The following IQGAP2 variants were observed in gnomAD, a reference collection of about 807,000 sequenced individuals.
IQGAP2 encodes IQ motif containing GTPase activating protein 2, also known as ras GTPase-activating-like protein IQGAP2.
A neutral mutation model predicts 201.3 loss-of-function variants in IQGAP2; 173 were observed. The ratio of observed to expected loss-of-function variants is 0.86; its 90% CI spans 0.76 to 0.98. IQGAP2 has a LOEUF of 0.98. Among genes scored for constraint, IQGAP2 ranks in the 50% least tolerant of loss-of-function variants. IQGAP2 has a pLI of 0.00. For synonymous variants in IQGAP2, 675 were observed against 673.9 expected (o/e 1.00, Z -0.03); for missense variants, 1,687 against 1,864.8 (o/e 0.90, Z 1.76).
Position 76,538,920 on chromosome 5 carries a change from G to A in IQGAP2, c.147-23476G>A, listed in dbSNP as rs541200441. Among the ~76,000 whole-genome samples, 38 of 152,282 alleles carry A rather than the reference G, an allele frequency of 2.5e-4. No homozygotes were observed. In the South Asian group the frequency reaches 7.2e-3, roughly 29 times the overall value. On this transcript the variant is annotated intron_variant, in intron 2 of 35. Coordinates refer to ENST00000274364, the MANE Select transcript of IQGAP2 (RefSeq NM_006633.5). ...AGTTGGTGGTGAGAAAGTGCCTCTCGTAGCCTGCTGCTTTTGTGTGGTTTG... is the reference window on the plus strand; with the variant it reads ...AGTTGGTGGTGAGAAAGTGCCTCTCATAGCCTGCTGCTTTTGTGTGGTTTG...
intron 1 of IQGAP2, among the ~76,000 whole-genome samples, chr5:76,410,221 A>T (rs940676564): frequency 3.0e-4 from 45 of 152,194 alleles, no homozygotes; most frequent in African/African-American, 1.0e-3. Flanking sequence ...GGAGGGCTTC[A>T]TGAAAGTTGT....
At chr5:76,609,064 C>G (rs1365461357) in intron 12 of IQGAP2, 1 of 1,518,306 alleles carries the variant, frequency 6.6e-7, no homozygotes, top group African/African-American at 1.4e-5. Flanking sequence ...GGTAATCTTT[C>G]AGCTCCTATG....
chr5:76,620,790 C>G (rs2069661), intron 13 of IQGAP2, among the ~76,000 whole-genome samples: 2 of 151,984 alleles, frequency 1.3e-5, no homozygotes, highest in Admixed American at 6.5e-5. Flanking sequence ...AAGATGAAAT[C>G]GGTATGAGGA....
At chr5:76,534,301 C>T (rs1384601174) in intron 2 of IQGAP2, among the ~76,000 whole-genome samples, 1 of 152,322 alleles carries the variant, frequency 6.6e-6, no homozygotes, top group Admixed American at 6.5e-5. Flanking sequence ...TCCTACTGAT[C>T]AAGGTTAGAT....
chr5:76,534,080 T>C (rs1161361748), intron 2 of IQGAP2, among the ~76,000 whole-genome samples: 2 of 152,216 alleles, frequency 1.3e-5, no homozygotes, highest in Non-Finnish European at 2.9e-5. Flanking sequence ...CATGCTGTAA[T>C]AGTTGACATT....
At chr5:76,707,059 C>T in intron 35 of IQGAP2, 141 bp from the exon 36 acceptor site, 1 of 602,364 alleles carries the variant, frequency 1.7e-6, no homozygotes, top group Non-Finnish European at 3.0e-6. Context: ...GAGTTTGAGA[C>T]CAACCTGGGC....
At chr5:76,525,781 T>G (rs537278907) in intron 2 of IQGAP2, among the ~76,000 whole-genome samples, 1 of 152,236 alleles carries the variant, frequency 6.6e-6, no homozygotes, top group Non-Finnish European at 1.5e-5. Flanking sequence ...TGTGCTTTTT[T>G]ACTAACACAC....
intron 2 of IQGAP2, among the ~76,000 whole-genome samples, chr5:76,529,753 T>C (rs1444892274): frequency 6.6e-6 from 1 of 151,986 alleles, no homozygotes; most frequent in Non-Finnish European, 1.5e-5. Context: ...GATTAATTCC[T>C]GTCCTTTGAC....
rs774096284 is a variant in IQGAP2 at position 76,654,918 on chromosome 5, T to C, written c.2251-16T>C. The C allele has an allele frequency of 1.1e-5, 17 of 1,585,698 alleles. No homozygotes were observed. Among genetic ancestry groups the C allele is most frequent in the Admixed American group, 1.7e-5 (1 of 59,812 alleles). On this transcript the variant is annotated splice_polypyrimidine_tract_variant and intron_variant, in intron 19 of 35. Coordinates refer to ENST00000274364, the MANE Select transcript of IQGAP2 (RefSeq NM_006633.5). The stretch of plus-strand genomic sequence containing the variant: ...TGGGACTCTGGGAGATCAAGACTTG[T>C]CTTAATCTTTTGCAGAATAATGAAA...
chr5:76,616,244 G>T (rs1748954969), intron 13 of IQGAP2: 1 of 152,258 alleles, frequency 6.6e-6, no homozygotes, highest in Non-Finnish European at 1.5e-5. Flanking sequence ...AGGGAAGAAT[G>T]GTCCTTCAAG....
At chr5:76,594,368 T>C (rs1281494795) in intron 9 of IQGAP2, among the ~76,000 whole-genome samples, 3 of 152,158 alleles carry the variant, frequency 2.0e-5, no homozygotes, top group Non-Finnish European at 2.9e-5. Context: ...TAAAATGCTT[T>C]ATATAAATGT....
At chr5:76,460,298 A>G (rs1754364968) in intron 1 of IQGAP2, among the ~76,000 whole-genome samples, 1 of 152,170 alleles carries the variant, frequency 6.6e-6, no homozygotes, top group African/African-American at 2.4e-5. Context: ...CCAGGCAGAG[A>G]GAAGGGTGGA....
rs1751541523 is a variant in IQGAP2, at chr5:76,641,072, A to C, written c.2063A>C (p.His688Pro). 25 of 1,607,478 alleles carry C rather than the reference A, an allele frequency of 1.6e-5. No individual in the cohort carries two copies. The highest frequency in any genetic ancestry group is 2.0e-5 in the Non-Finnish European group (23 of 1,174,732). The change falls in exon 17 of 36, where the codon CAT becomes CCT. Residue 688 changes from histidine (H) to proline (P), a missense_variant. His to Pro is a moderately conservative substitution (Grantham distance 77, BLOSUM62 -2). Coordinates refer to ENST00000274364, the MANE Select transcript of IQGAP2 (RefSeq NM_006633.5). Reference sequence around the variant, plus strand: ...TTTGAAGCTAGAAAATCATTTTTGCATGAACAAGAAGAGAATGTGGTCAAA... The same window carrying C: ...TTTGAAGCTAGAAAATCATTTTTGCCTGAACAAGAAGAGAATGTGGTCAAA... Reference protein sequence around the residue: ...EEFEARKSFLHEQEENVVKIQ... With the variant: ...EEFEARKSFLPEQEENVVKIQ...
chr5:76,583,317 G>A (rs899153994), intron 5 of IQGAP2, among the ~76,000 whole-genome samples: 4 of 152,044 alleles, frequency 2.6e-5, no homozygotes, highest in Non-Finnish European at 5.9e-5. Flanking sequence ...ACAGTTTCCT[G>A]ATAAACATTT....
intron 2 of IQGAP2, among the ~76,000 whole-genome samples, chr5:76,466,905 G>C (rs1336855124): frequency 6.6e-6 from 1 of 152,168 alleles, no homozygotes; most frequent in African/African-American, 2.4e-5. Flanking sequence ...CATCAAGAAA[G>C]TGAAAAGACA....
chr5:76,545,249 A>G (rs950425085), intron 2 of IQGAP2, among the ~76,000 whole-genome samples: 1 of 152,246 alleles, frequency 6.6e-6, no homozygotes, highest in Non-Finnish European at 1.5e-5. Context: ...AAGTGGCATC[A>G]TAAAAGGCAG....
intron 2 of IQGAP2, among the ~76,000 whole-genome samples, chr5:76,511,926 C>T (rs974728168): frequency 5.3e-5 from 8 of 151,996 alleles, no homozygotes; most frequent in East Asian, 1.9e-4. Context: ...GTGATCCGCC[C>T]GCCTCGGCCT....
chr5:76,522,179 A>T (rs1031486505), intron 2 of IQGAP2, among the ~76,000 whole-genome samples: 15 of 116,552 alleles, frequency 1.3e-4, no homozygotes, highest in African/African-American at 4.3e-4. Flanking sequence ...GCATATCCCT[A>T]GAATTTTTTT....
chr5:76,404,790 C>T (rs1289746720), intron 1 of IQGAP2, among the ~76,000 whole-genome samples: 2 of 151,254 alleles, frequency 1.3e-5, no homozygotes, highest in Non-Finnish European at 2.9e-5. Flanking sequence ...GACTGAGACC[C>T]AGCTTTTTGC....
Sources: gnomAD v4.1 joint callset for allele counts (sites outside exome capture counted in the v4.1 genomes callset) on GRCh38, gnomAD v4.1.1 for gene constraint, MANE v1.5 for transcripts, NCBI Gene and HGNC (gene_info 2026-07-23, HGNC 2026-07-21) for gene names.